The following SCN9A variants were observed in gnomAD, a reference collection of about 807,000 sequenced individuals.
The protein encoded by SCN9A is sodium channel protein type 9 subunit alpha.
A neutral mutation model predicts 187.0 loss-of-function variants in SCN9A; 131 were observed. That is an observed-to-expected ratio of 0.70 (90% CI 0.61 to 0.81). The LOEUF is 0.81. SCN9A is among the 30% of genes least tolerant of loss of function. The pLI, the probability that SCN9A is intolerant of heterozygous loss-of-function variation, is 0.00. For synonymous variants in SCN9A, 809 were observed against 808.6 expected, an observed-to-expected ratio of 1.00 and a Z score of -0.01; for missense variants, 2,252 against 2,396.6, an observed-to-expected ratio of 0.94 and a Z score of 1.26.
rs1280729501 is a variant in SCN9A at position 166,337,385 on chromosome 2, A to C, written c.-50-25579T>G. On this transcript the variant is annotated intron_variant, in intron 1 of 26. Coordinates refer to ENST00000642356, the MANE Select transcript of SCN9A (RefSeq NM_001365536.1). ...AGACACAAAGTAGACAGGTCCAATAAGTAGCTAACCATGTTACTCTGGAAC... is the reference window on the plus strand; with the variant it reads ...AGACACAAAGTAGACAGGTCCAATACGTAGCTAACCATGTTACTCTGGAAC... Among the ~76,000 whole-genome samples the C allele has an allele frequency of 2.0e-5, 3 of 152,124 alleles. No individual in the cohort carries two copies. The East Asian group carries it at 5.8e-4, about 29-fold the overall frequency.
At chr2:166,233,182 T>TATATGC (rs1339344302) in intron 21 of SCN9A, among the ~76,000 whole-genome samples, 158 bp downstream of exon 21, 1 of 99,172 alleles carries the variant, frequency 1.0e-5, no homozygotes, top group Admixed American at 1.2e-4. Flanking sequence ...CATATATACA[T>TATATGC]ATATGCATAT....
intron 1 of SCN9A, among the ~76,000 whole-genome samples, chr2:166,371,981 C>T (rs180802944): frequency 1.3e-5 from 2 of 152,206 alleles, no homozygotes; most frequent in Non-Finnish European, 2.9e-5. Context: ...TAATTGAAAG[C>T]TAAATTTTCA....
intron 9 of SCN9A, among the ~76,000 whole-genome samples, chr2:166,291,609 G>C (rs954320241): frequency 2.6e-5 from 4 of 152,260 alleles, no homozygotes; most frequent in African/African-American, 9.6e-5. Flanking sequence ...AGCACATATA[G>C]CAAAGACAAT....
chr2:166,196,472 A>T lies in SCN9A; in HGVS notation c.*2200T>A, dbSNP rs1693250490. 1 of 152,146 alleles carries T rather than the reference A, an allele frequency of 6.6e-6. No individual in the cohort carries two copies. The allele number at this position is 152,146 out of a possible 1,614,324, so 9.4% of individuals were successfully genotyped here. On this transcript the variant is annotated 3_prime_UTR_variant, in exon 27 of 27. Coordinates refer to ENST00000642356, the MANE Select transcript of SCN9A (RefSeq NM_001365536.1). ...ACCAGTTGCCCATATTTTTTATTTTACATAAAAACAAGGCAATGTAAAAAC... is the reference window on the plus strand; with the variant it reads ...ACCAGTTGCCCATATTTTTTATTTTTCATAAAAACAAGGCAATGTAAAAAC...
chr2:166,234,540 C>T (rs770464136), intron 20 of SCN9A, among the ~76,000 whole-genome samples: 22 of 151,952 alleles, frequency 1.4e-4, no homozygotes, highest in African/African-American at 1.9e-4. Context: ...ACTGATGAAG[C>T]GGGAAGTGTT....
intron 1 of SCN9A, among the ~76,000 whole-genome samples, chr2:166,340,672 G>T (rs1160904949): frequency 6.7e-6 from 1 of 149,890 alleles, no homozygotes; most frequent in Non-Finnish European, 1.5e-5. Context: ...CCAGGCTGTA[G>T]TGCAGTAGTG....
intron 24 of SCN9A, among the ~76,000 whole-genome samples, chr2:166,221,334 ACT>A (rs1262837997): frequency 5.9e-5 from 9 of 152,290 alleles, no homozygotes; most frequent in South Asian, 2.1e-4. Context: ...ACCACAAAAG[ACT>A]CTGAATAGCC....
At chr2:166,340,593 T>G (rs1559051124) in intron 1 of SCN9A, among the ~76,000 whole-genome samples, 1 of 87,390 alleles carries the variant, frequency 1.1e-5, no homozygotes, top group Non-Finnish European at 2.1e-5. Context: ...TTTCTTTCTT[T>G]CTTTCTTTCT....
chr2:166,268,103 T>C (rs1474479736), intron 17 of SCN9A, among the ~76,000 whole-genome samples: 5 of 152,032 alleles, frequency 3.3e-5, no homozygotes, highest in Non-Finnish European at 5.9e-5. Context: ...ATACTTATAA[T>C]AATTGTACAT....
intron 20 of SCN9A, among the ~76,000 whole-genome samples, chr2:166,234,559 C>T (rs1016386350): frequency 1.3e-5 from 2 of 152,048 alleles, no homozygotes; most frequent in Admixed American, 6.6e-5. Flanking sequence ...TTTTAAAGTG[C>T]TCATCCTCAT....
chr2:166,223,715 A>G (rs1574750372), intron 24 of SCN9A, among the ~76,000 whole-genome samples: 1 of 152,314 alleles, frequency 6.6e-6, no homozygotes, highest in African/African-American at 2.4e-5. Context: ...TTAAGCAGGT[A>G]GATCTCATAT....
At chr2:166,254,236 T>A (rs914441664) in intron 17 of SCN9A, among the ~76,000 whole-genome samples, 1 of 151,692 alleles carries the variant, frequency 6.6e-6, no homozygotes. Context: ...ATTAATTAAT[T>A]TGTATTTACA....
At chr2:166,288,375 G>T in intron 10 of SCN9A, 62 bp downstream of exon 10, 1 of 1,324,484 alleles carries the variant, frequency 7.6e-7, no homozygotes, top group Non-Finnish European at 1.1e-6. Context: ...ATACCGCAGA[G>T]CCTCTGTTGT....
At chr2:166,336,110 T>C (rs899907146) in intron 1 of SCN9A, among the ~76,000 whole-genome samples, 1 of 152,088 alleles carries the variant, frequency 6.6e-6, no homozygotes, top group African/African-American at 2.4e-5. Context: ...CCCTCACTGA[T>C]ACTGAGGGAC....
intron 1 of SCN9A, among the ~76,000 whole-genome samples, chr2:166,347,242 A>G (rs1282705487): frequency 1.3e-5 from 2 of 152,206 alleles, no homozygotes; most frequent in South Asian, 2.1e-4. Flanking sequence ...CTCCTTTGGG[A>G]TCTTTTATTT....
intron 1 of SCN9A, among the ~76,000 whole-genome samples, chr2:166,316,124 A>G (rs1299916184): frequency 6.6e-6 from 1 of 152,224 alleles, no homozygotes; most frequent in East Asian, 1.9e-4. Context: ...AAAGTACAAT[A>G]CAAATGACAG....
rs1558974298 is a variant in SCN9A, at chr2:166,239,221, T to TAAAAAAAA, written c.3628-955_3628-954insTTTTTTTT. Among the ~76,000 whole-genome samples the TAAAAAAAA allele has an allele frequency of 1.5e-4, 20 of 130,082 alleles. 7 individuals are homozygous for TAAAAAAAA. The highest frequency in any genetic ancestry group is 1.9e-4 in the Non-Finnish European group (12 of 61,864). The allele number at this position is 130,082 out of a possible 152,430, so 85.3% of individuals were successfully genotyped here. A position where few individuals can be genotyped will look rare whatever the true frequency, so the allele number is the denominator to read the frequency against. ...CTGGGCAACAGAGCAAGACTCTGTC[T>TAAAAAAAA]CAAAAAAAAAAAAAAAAAAAAGGCT... On this transcript the variant is annotated intron_variant, in intron 19 of 26. Transcript: ENST00000642356.
intron 5 of SCN9A, 102 bp downstream of exon 5, chr2:166,305,689 TC>T: frequency 6.8e-7 from 1 of 1,460,692 alleles, no homozygotes. Flanking sequence ...ATACAGACAT[TC>T]CATGCTGGAA....
rs747253258 is a variant in SCN9A, at chr2:166,228,913, A to G, written c.3984T>C (p.Cys1328=). 1.2e-6 allele frequency: 2 copies of G among 1,613,756 alleles called. No individual in the cohort carries two copies. Among genetic ancestry groups the G allele is most frequent in the South Asian group, 2.2e-5 (2 of 91,078 alleles). The part of the protein sequence containing the change: ...IPSIMNVLLV[C]LIFWLIFSIM... The stretch of plus-strand genomic sequence containing the variant: ...TGCTGAATATCAGCCAGAATATAAG[A>G]CACACAAGTAGCACATTCATGATGG... Residue 1328 remains cysteine (C), a synonymous_variant, in exon 22 of 27, where the codon TGT becomes TGC. Transcript: ENST00000642356.
Sources: gnomAD v4.1 joint callset for allele counts (sites outside exome capture counted in the v4.1 genomes callset) on GRCh38, gnomAD v4.1.1 for gene constraint, MANE v1.5 for transcripts, NCBI Gene and HGNC (gene_info 2026-07-23, HGNC 2026-07-21) for gene names.